The following PITPNM1 variants were observed in gnomAD, a reference collection of about 807,000 sequenced individuals.
The protein encoded by PITPNM1 is phosphatidylinositol transfer protein membrane associated 1, also known as membrane-associated phosphatidylinositol transfer protein 1.
A neutral mutation model predicts 133.3 loss-of-function variants in PITPNM1; 74 were observed. That is an observed-to-expected ratio of 0.56 (90% confidence interval 0.46 to 0.67). PITPNM1 has a LOEUF of 0.67. Ranked by LOEUF, PITPNM1 falls within the 30% of genes least tolerant of loss-of-function variation. The pLI is 0.00. For synonymous variants in PITPNM1, 738 were observed against 741.4 expected (o/e 1.00, Z 0.08); for missense variants, 1,398 against 1,739.5 (o/e 0.80, Z 3.49).
chr11:67,497,896 G>A (rs1866183019), intron 12 of PITPNM1, 21 bp downstream of exon 12: 2 of 1,603,784 alleles, frequency 1.2e-6, no homozygotes, highest in East Asian at 2.2e-5. Flanking sequence ...TCCTGAGGAG[G>A]CCGGGTTTGG....
intron 14 of PITPNM1, 96 bp from the exon 15 acceptor site, chr11:67,496,444 T>G (rs1866125392): frequency 8.7e-7 from 1 of 1,148,256 alleles, no homozygotes; most frequent in Non-Finnish European, 1.2e-6. Context: ...TGATGTCTGG[T>G]GTGACCCCGA....
In PITPNM1 at chr11:67,499,826, G is replaced by A. The variant is rs751468607; in HGVS notation, c.1068C>T (p.Gly356=). 6.3e-7 allele frequency: 1 copy of A among 1,576,186 alleles called. No individual in the cohort carries two copies. The highest frequency in any genetic ancestry group is 1.7e-5 in the Admixed American group (1 of 57,798). ...SEEEFFDAHE[G]FSDSEEVFPK... ...GGAAGACCTCCTCACTGTCCGAGAAGCCTTCTGAGGGGACAGGGGGCTGTG... is the reference window on the plus strand; with the variant it reads ...GGAAGACCTCCTCACTGTCCGAGAAACCTTCTGAGGGGACAGGGGGCTGTG... Residue 356 remains glycine (G), a synonymous_variant, in exon 8 of 24, where the codon GGC becomes GGT. Transcript: ENST00000356404.
At position 67,502,031 on chromosome 11, in the gene PITPNM1, C is replaced by T. The variant is rs1429056025; in HGVS notation, c.471G>A (p.Glu157=). Reference sequence around the variant, plus strand: ...TGACCGAGTGATAAAGCCGGGGGTCCTCTTCTGCTTTGTACTCGCCTGGGG... The same window carrying T: ...TGACCGAGTGATAAAGCCGGGGGTCTTCTTCTGCTTTGTACTCGCCTGGGG... ...AVAPGEYKAE[E]DPRLYHSVKT... The change falls in exon 5 of 24, where the codon GAG becomes GAA. Residue 157 remains glutamate, a synonymous_variant. Transcript: ENST00000356404. This position sits in a 1 kb window ranked among gnomAD's most constrained non-coding sequence, Gnocchi z 5.9. The T allele has an allele frequency of 3.7e-6, 6 of 1,613,436 alleles. No individual in the cohort carries two copies. Among genetic ancestry groups the T allele is most frequent in the Non-Finnish European group, 5.1e-6 (6 of 1,180,022 alleles).
chr11:67,498,807 C>A lies in PITPNM1; in HGVS notation c.1273G>T (p.Ala425Ser), dbSNP rs370162006. 7.4e-6 allele frequency: 12 copies of A among 1,611,846 alleles called. No individual in the cohort carries two copies. In the African/African-American group the frequency reaches 8.0e-5, roughly 11 times the overall value. ...AGGATAAGGAAGAGGGCGTGGACTGCGCATGCCTCAGCCCCCAGCTCCCCG... is the reference window on the plus strand; with the variant it reads ...AGGATAAGGAAGAGGGCGTGGACTGAGCATGCCTCAGCCCCCAGCTCCCCG... ...GAGELGAEAC[A>S]VHALFLILHS... The change falls in exon 10 of 24, where the codon GCA becomes TCA. Residue 425 changes from alanine (A) to serine (S), a missense_variant. Ala to Ser is a moderately conservative substitution (Grantham distance 99). Around this residue, in one of 5 missense-constraint regions of PITPNM1, gnomAD observed 574 missense variants for 698.7 expected, o/e 0.82. Coordinates refer to ENST00000356404, the MANE Select transcript of PITPNM1 (RefSeq NM_004910.3). This position sits in a 1 kb window ranked among gnomAD's most constrained non-coding sequence, Gnocchi z 5.7.
chr11:67,494,237 T>A lies in PITPNM1; in HGVS notation c.2859+7A>T. 2 of 1,609,490 alleles carry A rather than the reference T, an allele frequency of 1.2e-6. No homozygotes were observed. The highest frequency in any genetic ancestry group is 1.7e-6 in the Non-Finnish European group (2 of 1,177,022). On this transcript the variant is annotated splice_region_variant and intron_variant, in intron 19 of 23. Coordinates refer to ENST00000356404, the MANE Select transcript of PITPNM1 (RefSeq NM_004910.3). ...GGGACCAGGCGACAGGGCCTCTGGG[T>A]CCTGACCTTCTCTCCAGTGAGCGTG...
Position 67,500,259 on chromosome 11 carries a change from G to T in PITPNM1, c.803C>A (p.Ala268Asp). ...GGTGCTCGGTTTCCCGGGGGGCTGG[G>T]CCTCGGACCCCTCACTGCCTGTGTT... The part of the protein sequence containing the change: ...KCNTGSEGSE[A>D]QPPGKPSTEA... Residue 268 changes from alanine to aspartate, a missense_variant, in exon 6 of 24, where the codon GCC becomes GAC. Ala to Asp is a moderately radical substitution (Grantham distance 126). Transcript: ENST00000356404. 6.2e-7 allele frequency: 1 copy of T among 1,607,388 alleles called. No homozygotes were observed. The highest frequency in any genetic ancestry group is 8.5e-7 in the Non-Finnish European group (1 of 1,179,836).
chr11:67,499,899 G>T lies in PITPNM1; in HGVS notation c.1063+15C>A. On this transcript the variant is annotated intron_variant, in intron 7 of 23. Coordinates refer to ENST00000356404, the MANE Select transcript of PITPNM1 (RefSeq NM_004910.3). ...CGGGGACATCCCCACTCCCAAAAAG[G>T]GCCTCAGTGCTGACCGTGGGCATCA... 1 of 1,607,138 alleles carries T rather than the reference G, an allele frequency of 6.2e-7. No homozygotes were observed. Among genetic ancestry groups the T allele is most frequent in the Non-Finnish European group, 8.5e-7 (1 of 1,175,328 alleles).
rs370216047 is a variant in PITPNM1, at chr11:67,500,121, C to G, written c.941G>C (p.Arg314Pro). The G allele has an allele frequency of 6.3e-7, 1 of 1,592,494 alleles. No individual in the cohort carries two copies. The highest frequency in any genetic ancestry group is 1.3e-5 in the African/African-American group (1 of 74,664). Reference sequence around the variant, plus strand: ...TCCATGTTGGGATGAGTAGGAGGAACGGGAGGATGAGGACCACTGCTTCCC... The same window carrying G: ...TCCATGTTGGGATGAGTAGGAGGAAGGGGAGGATGAGGACCACTGCTTCCC... ...SFGKQWSSSS[R>P]SSYSSQHGGA... The change falls in exon 6 of 24, where the codon CGT (arginine) becomes CCT (proline). Residue 314 changes from arginine to proline, a missense_variant. Coordinates refer to ENST00000356404, the MANE Select transcript of PITPNM1 (RefSeq NM_004910.3).
rs201664682 is a variant in PITPNM1 at position 67,498,694 on chromosome 11, G to A, written c.1386C>T (p.Ala462=). 2.9e-5 allele frequency: 47 copies of A among 1,605,038 alleles called. No individual in the cohort carries two copies. The highest frequency in any genetic ancestry group is 1.1e-5 in the Non-Finnish European group (13 of 1,179,946). The change falls in exon 10 of 24, where the codon GCC becomes GCT. Residue 462 remains alanine, a synonymous_variant. Coordinates refer to ENST00000356404, the MANE Select transcript of PITPNM1 (RefSeq NM_004910.3). The surrounding 1 kb of genome is among the most constrained non-coding windows in gnomAD (Gnocchi z 5.7). ...CCTCAGGGAAGTGGATGCGGGTGAC[G>A]GCCTCGAAGGCGGAGCTCAGCGTCT... ...DVQTLSSAFE[A]VTRIHFPEAL...
In PITPNM1 at chr11:67,497,627, T is replaced by C. The variant is rs746512886; in HGVS notation, c.1835A>G (p.Asp612Gly). ...GCCCCGACCCAGGCCTTCCACACCA[T>C]CTGCCAGGGGGTCCCGCACTGGGCC... ...EFGPVRDPLA[D>G]GVEGLGRGSP... The change falls in exon 13 of 24, where the codon GAT becomes GGT. Residue 612 changes from aspartate to glycine, a missense_variant. Physicochemically the swap from Asp to Gly is moderately conservative, Grantham distance 94. Coordinates refer to ENST00000356404, the MANE Select transcript of PITPNM1 (RefSeq NM_004910.3). 1 of 1,608,118 alleles carries C rather than the reference T, an allele frequency of 6.2e-7. No individual in the cohort carries two copies. Among genetic ancestry groups the C allele is most frequent in the Non-Finnish European group, 8.5e-7 (1 of 1,178,506 alleles).
At position 67,492,176 on chromosome 11, in the gene PITPNM1, C is replaced by T. The variant is rs781622887; in HGVS notation, c.3592G>A (p.Val1198Met). Reference protein sequence around the residue: ...GKSSYGVAAPVDFLRKQSQLL... With the variant: ...GKSSYGVAAPMDFLRKQSQLL... ...TGGCTCTGTTTGCGCAGGAAGTCCA[C>T]GGGGGCAGCCACACCATAGCTGCTC... Residue 1198 changes from valine to methionine, a missense_variant, in exon 24 of 24, where the codon GTG (valine) becomes ATG (methionine). By Grantham distance (21) the Val-to-Met change is conservative (BLOSUM62 1). This residue lies in a region of PITPNM1 where 122 missense variants were observed against 123.3 expected (regional missense o/e 0.99). Transcript: ENST00000356404. 5.0e-6 allele frequency: 8 copies of T among 1,611,100 alleles called. No individual in the cohort carries two copies. Among genetic ancestry groups the T allele is most frequent in the South Asian group, 2.2e-5 (2 of 91,080 alleles).
At position 67,496,301 on chromosome 11, in the gene PITPNM1, C is replaced by T. The variant is rs776680835; in HGVS notation, c.2194G>A (p.Ala732Thr). The T allele has an allele frequency of 9.5e-6, 15 of 1,582,390 alleles. No homozygotes were observed. The highest frequency in any genetic ancestry group is 4.8e-5 in the East Asian group (2 of 41,680). Reference protein sequence around the residue: ...ACEQIYNLFHAADPCASRLEP... With the variant: ...ACEQIYNLFHTADPCASRLEP... Reference sequence around the variant, plus strand: ...AGGCGTGAGGCGCAGGGGTCAGCCGCGTGGAAGAGGTTGTAGATCTGTTCA... The same window carrying T: ...AGGCGTGAGGCGCAGGGGTCAGCCGTGTGGAAGAGGTTGTAGATCTGTTCA... The change falls in exon 15 of 24, where the codon GCG becomes ACG. Residue 732 changes from alanine (A) to threonine (T), a missense_variant. By Grantham distance (58) the Ala-to-Thr change is moderately conservative. Around this residue, in one of 5 missense-constraint regions of PITPNM1, gnomAD observed 574 missense variants for 698.7 expected, o/e 0.82. Coordinates refer to ENST00000356404, the MANE Select transcript of PITPNM1 (RefSeq NM_004910.3).
At position 67,495,060 on chromosome 11, in the gene PITPNM1, C is replaced by T. The variant is rs769264871; in HGVS notation, c.2631+17G>A. The T allele has an allele frequency of 6.2e-7, 1 of 1,612,518 alleles. No homozygotes were observed. The highest frequency in any genetic ancestry group is 1.1e-5 in the South Asian group (1 of 91,074). On this transcript the variant is annotated intron_variant, in intron 17 of 23. Transcript: ENST00000356404. Reference sequence around the variant, plus strand: ...CCCGTCCCATTCTCATCTCCCATTCCATATTCCCAGGCCCACCTGGCGCAG... The same window carrying T: ...CCCGTCCCATTCTCATCTCCCATTCTATATTCCCAGGCCCACCTGGCGCAG...
rs753925998 is a variant in PITPNM1 at position 67,493,987 on chromosome 11, G to A, written c.2943C>T (p.Leu981=). Residue 981 remains leucine, a synonymous_variant, in exon 20 of 24, where the codon CTC becomes CTT. Transcript: ENST00000356404. ...CGCGTTCTGGGGGAACTGGGAAGGT[G>A]AGGCGGCCCGAGCTATTGGTGACTT... ...GTEVTNSSGR[L]TFPVPPERAL... 1.2e-6 allele frequency: 2 copies of A among 1,612,046 alleles called. No homozygotes were observed. Among genetic ancestry groups the A allele is most frequent in the African/African-American group, 1.3e-5 (1 of 75,044 alleles).
At position 67,491,988 on chromosome 11, in the gene PITPNM1, C is replaced by T; in HGVS notation, c.*45G>A. On this transcript the variant is annotated 3_prime_UTR_variant, in exon 24 of 24. Transcript: ENST00000356404. The stretch of plus-strand genomic sequence containing the variant: ...CTCCCACACGCAGCCCCTCGGGCCC[C>T]TTGGGTGTGTCAATAAATAACCCAG... 4 of 1,594,060 alleles carry T rather than the reference C, an allele frequency of 2.5e-6. No individual in the cohort carries two copies. Among genetic ancestry groups the T allele is most frequent in the Non-Finnish European group, 3.4e-6 (4 of 1,168,892 alleles).
chr11:67,506,253 C>T (rs561741623), upstream of PITPNM1: 34 of 169,096 alleles, frequency 2.0e-4, no homozygotes, highest in Non-Finnish European at 1.8e-4. Flanking sequence ...CTGCCCACAG[C>T]GCCAAGGGCT....
At chr11:67,496,130 CTG>C in intron 15 of PITPNM1, 46 bp downstream of exon 15, 1 of 1,444,722 alleles carries the variant, frequency 6.9e-7, no homozygotes, top group Non-Finnish European at 9.1e-7. Flanking sequence ...TCCTCCCTTC[CTG>C]TGTGTGCCCT....
Position 67,492,985 on chromosome 11 carries a change from G to A in PITPNM1, c.3420C>T (p.Ser1140=), listed in dbSNP as rs147174205. 6 of 1,612,892 alleles carry A rather than the reference G, an allele frequency of 3.7e-6. No homozygotes were observed. The highest frequency in any genetic ancestry group is 1.1e-5 in the South Asian group (1 of 91,094). The change falls in exon 23 of 24, where the codon AGC becomes AGT. Residue 1140 remains serine, a synonymous_variant. Transcript: ENST00000356404. ...AVYAALGLSP[S]QTYIVGRAVR... ...CGGCACGGCCCACGATGTAGGTCTG[G>A]CTCGGGGACAGCCCCAGCGCCGCGT...
chr11:67,502,363 T>TCCA lies in PITPNM1; in HGVS notation c.343_344insTGG (p.Tyr115delinsLeuAsp). The TCCA allele has an allele frequency of 6.2e-7, 1 of 1,613,554 alleles. No individual in the cohort carries two copies. The highest frequency in any genetic ancestry group is 1.3e-5 in the African/African-American group (1 of 74,872). ...TGGCTGCTGCCCCCCATCAGGCAGG[T>TCCA]AATAGGTCTCAATTTCAATGGAGAA... On this transcript the variant is annotated protein_altering_variant, in exon 4 of 24. Transcript: ENST00000356404. The surrounding 1 kb of genome is among the most constrained non-coding windows in gnomAD (Gnocchi z 5.9).
Sources: allele counts gnomAD v4.1 joint callset, GRCh38; gene constraint gnomAD v4.1.1; regional missense constraint gnomAD v4.1.1; non-coding constraint Gnocchi (gnomAD v3.1); transcripts MANE v1.5; gene names NCBI Gene and HGNC (gene_info 2026-07-23, HGNC 2026-07-21).